The following XK variants were observed in gnomAD, a reference collection of about 807,000 sequenced individuals.
The protein encoded by XK is endoplasmic reticulum membrane adapter protein XK.
Under a neutral mutation model 14.0 loss-of-function variants are expected in XK, and 2 were observed. That is an observed-to-expected ratio of 0.14 (90% CI 0.06 to 0.45). The LOEUF (loss-of-function observed/expected upper bound fraction) is 0.45, where lower values mean the gene tolerates loss of function less well. Among genes scored for constraint, XK ranks in the 20% least tolerant of loss-of-function variants. The probability of loss-of-function intolerance (pLI) is 0.98; values close to 1 mark genes in which losing one functional copy is unlikely to be tolerated. For synonymous variants in XK, 149 were observed against 147.5 expected (o/e 1.01, Z -0.08); for missense variants, 235 against 341.5 (o/e 0.69, Z 2.46).
At position 37,728,165 on chromosome X, in the gene XK, G is replaced by T. The variant is rs1556450508; in HGVS notation, c.1038G>T (p.Val346=). ...TCAAGACTGACATCTATATGTATGT[G>T]TGCGCACCTCTGTTGGTCCTGCAGC... is the stretch of plus-strand genomic sequence containing the variant. The part of the protein sequence containing the change: ...YLFKTDIYMY[V]CAPLLVLQLL... Residue 346 remains valine, a synonymous_variant, in exon 3 of 3, where the codon GTG becomes GTT. Coordinates refer to ENST00000378616, the MANE Select transcript of XK (RefSeq NM_021083.4). 1.7e-6 allele frequency: 2 copies of T among 1,211,288 alleles called. No individual in the cohort carries two copies. Among genetic ancestry groups the T allele is most frequent in the Admixed American group, 4.4e-5 (2 of 45,958 alleles).
intron 2 of XK, among the ~76,000 whole-genome samples, chrX:37,712,907 A>G (rs1250948049): frequency 1.8e-5 from 2 of 112,188 alleles, no homozygotes; most frequent in Non-Finnish European, 3.8e-5. Flanking sequence ...TTCATATAAT[A>G]AGTTCAGAGG....
chrX:37,701,539 T>G (rs1927417245), intron 2 of XK, among the ~76,000 whole-genome samples: 1 of 111,316 alleles, frequency 9.0e-6, no homozygotes, highest in Admixed American at 9.4e-5. Flanking sequence ...ACAACCTGGG[T>G]TTGAGATCCT....
At chrX:37,723,277 T>A (rs950055127) in intron 2 of XK, among the ~76,000 whole-genome samples, 2 of 111,397 alleles carry the variant, frequency 1.8e-5, no homozygotes, top group East Asian at 5.6e-4. Context: ...TTTCTCCATT[T>A]AAGTCTGAAT....
intron 1 of XK, among the ~76,000 whole-genome samples, chrX:37,690,589 A>G (rs1927183540): frequency 9.0e-6 from 1 of 111,599 alleles, no homozygotes. Flanking sequence ...GGGGTTAGCA[A>G]ACTGTACCCC....
intron 2 of XK, among the ~76,000 whole-genome samples, chrX:37,711,641 C>T (rs1317659004): frequency 8.9e-6 from 1 of 111,978 alleles, no homozygotes; most frequent in African/African-American, 3.2e-5. Flanking sequence ...CTCCCACTTC[C>T]CACCCAACTC....
At chrX:37,705,337 A>G (rs1182186252) in intron 2 of XK, among the ~76,000 whole-genome samples, 2 of 110,113 alleles carry the variant, frequency 1.8e-5, no homozygotes, top group African/African-American at 6.6e-5. Flanking sequence ...CTGTAGTCCC[A>G]GCTACTTGGG....
rs1226579221 is a variant in XK, at chrX:37,686,110, T to C, written c.149T>C (p.Leu50Pro). 2.5e-6 allele frequency: 3 copies of C among 1,210,599 alleles called. No homozygotes were observed. Among genetic ancestry groups the C allele is most frequent in the Non-Finnish European group, 3.4e-6 (3 of 895,249 alleles). The change falls in exon 1 of 3, where the codon CTC (leucine) becomes CCC (proline). Residue 50 changes from leucine to proline, a missense_variant. Transcript: ENST00000378616. Reference protein sequence around the residue: ...TLLFSLLPCALVQLTLLFVHR... With the variant: ...TLLFSLLPCAPVQLTLLFVHR... ...CTTTTCTCGCTACTGCCTTGCGCGC[T>C]CGTGCAGCTCACGCTTCTCTTCGTA...
Position 37,695,357 on chromosome X carries a change from A to G in XK, c.508+809A>G, listed in dbSNP as rs782477539. 1.9e-3 allele frequency among the ~76,000 whole-genome samples: 216 copies of G among 111,162 alleles called. 2 individuals carry two copies. Among genetic ancestry groups the G allele is most frequent in the African/African-American group, 6.7e-3 (206 of 30,590 alleles). Reference sequence around the variant, plus strand: ...CTGTCTTCTTAGACTTGTAATAGGTATATCAGTTTATAAGTCAAGACAATA... The same window carrying G: ...CTGTCTTCTTAGACTTGTAATAGGTGTATCAGTTTATAAGTCAAGACAATA... On this transcript the variant is annotated intron_variant, in intron 2 of 2. Transcript: ENST00000378616.
At chrX:37,725,058 G>C (rs1927950482) in intron 2 of XK, among the ~76,000 whole-genome samples, 1 of 111,755 alleles carries the variant, frequency 8.9e-6, no homozygotes, top group Non-Finnish European at 1.9e-5. Flanking sequence ...TATGCTAAGT[G>C]AGATAAGCTA....
At chrX:37,714,022 C>T (rs1927716867) in intron 2 of XK, among the ~76,000 whole-genome samples, 1 of 111,629 alleles carries the variant, frequency 9.0e-6, no homozygotes, top group Admixed American at 9.5e-5. Context: ...GTATCTGCAA[C>T]ACTGAGGTTT....
rs1308485843 is a variant in XK at position 37,700,930 on chromosome X, C to CA, written c.508+6392dup. ...ATGGGGAAAACATAAGGAAAAAATG[C>CA]AAAAAAAAAAGTTATGGTCATGTTA... On this transcript the variant is annotated intron_variant, in intron 2 of 2. Coordinates refer to ENST00000378616, the MANE Select transcript of XK (RefSeq NM_021083.4). Among the ~76,000 whole-genome samples the CA allele has an allele frequency of 2.7e-3, 283 of 104,047 alleles. 1 individual carries two copies. Among genetic ancestry groups the CA allele is most frequent in the Admixed American group, 0.021 (210 of 9,804 alleles). The allele number at this position is 104,047 out of a possible 115,157, so 90.4% of individuals were successfully genotyped here. A position where few individuals can be genotyped will look rare whatever the true frequency, so the allele number is the denominator to read the frequency against.
At chrX:37,696,583 A>G (rs1927310834) in intron 2 of XK, among the ~76,000 whole-genome samples, 1 of 112,933 alleles carries the variant, frequency 8.9e-6, no homozygotes, top group Non-Finnish European at 1.9e-5. Flanking sequence ...CGGAAAGGGT[A>G]AGACCCTTAT....
intron 2 of XK, among the ~76,000 whole-genome samples, chrX:37,724,813 ACAAT>A (rs1233947048): frequency 9.0e-6 from 1 of 110,779 alleles, no homozygotes; most frequent in Non-Finnish European, 1.9e-5. Context: ...AAGAAAACAA[ACAAT>A]CAAGTAAAAA....
At chrX:37,709,526 TA>T (rs782568668) in intron 2 of XK, among the ~76,000 whole-genome samples, 31 of 112,437 alleles carry the variant, frequency 2.8e-4, no homozygotes, top group Non-Finnish European at 1.5e-4. Flanking sequence ...ATGACACTGA[TA>T]AATCAGAGAT....
chrX:37,692,770 A>G (rs1298685908), intron 1 of XK, among the ~76,000 whole-genome samples: 2 of 111,503 alleles, frequency 1.8e-5, no homozygotes, highest in African/African-American at 6.5e-5. Flanking sequence ...GGCCTCATAC[A>G]GTCCTCAGTC....
chrX:37,705,312 C>T (rs991121892), intron 2 of XK, among the ~76,000 whole-genome samples: 14 of 109,603 alleles, frequency 1.3e-4, no homozygotes, highest in Admixed American at 3.9e-4. Context: ...ATTAGCCGGG[C>T]GTGGTGGCGG....
At chrX:37,688,616 C>A (rs1009066463) in intron 1 of XK, among the ~76,000 whole-genome samples, 4 of 111,805 alleles carry the variant, frequency 3.6e-5, no homozygotes, top group African/African-American at 1.3e-4. Flanking sequence ...TCCCTATGCT[C>A]AGTGGAAGAA....
At chrX:37,694,966 A>G (rs1182692760) in intron 2 of XK, among the ~76,000 whole-genome samples, 3 of 112,080 alleles carry the variant, frequency 2.7e-5, no homozygotes, top group Non-Finnish European at 5.6e-5. Flanking sequence ...GAGTGTTCTA[A>G]GAAGGAGGGA....
At chrX:37,727,290 G>A (rs1927993847) in intron 2 of XK, among the ~76,000 whole-genome samples, 1 of 111,489 alleles carries the variant, frequency 9.0e-6, no homozygotes, top group Non-Finnish European at 1.9e-5. Context: ...CAAATACTAG[G>A]AAATGTCATA....
Sources: gnomAD v4.1 joint callset for allele counts (sites outside exome capture counted in the v4.1 genomes callset) on GRCh38, gnomAD v4.1.1 for gene constraint, MANE v1.5 for transcripts, NCBI Gene and HGNC (gene_info 2026-07-23, HGNC 2026-07-21) for gene names.